Variants in REDIC1 observed in about 807,000 individuals in gnomAD.
REDIC1 encodes regulator of DNA class I crossover intermediates 1.
At chr12:39,654,952 A>G in the REDIC1 span, among the ~76,000 whole-genome samples, 2 of 152,110 alleles carry the variant, frequency 1.3e-5, no homozygotes, top group Admixed American at 6.6e-5. Context: ...TCTTGAGTCA[A>G]TTGTGGTAAT....
chr12:39,757,882 G>T, the REDIC1 span: 2 of 152,136 alleles, frequency 1.3e-5, no homozygotes, highest in African/African-American at 2.4e-5. Context: ...ATAAAGAGAA[G>T]GATTGAGGCA....
chr12:39,769,295 C>T, the REDIC1 span, among the ~76,000 whole-genome samples: 23 of 152,072 alleles, frequency 1.5e-4, no homozygotes, highest in South Asian at 2.1e-4. Flanking sequence ...TCCTATGTGA[C>T]GAACTTACCT....
the REDIC1 span, among the ~76,000 whole-genome samples, chr12:39,663,582 G>A: frequency 6.6e-6 from 1 of 151,924 alleles, no homozygotes; most frequent in Non-Finnish European, 1.5e-5. Flanking sequence ...TTACATTCAA[G>A]GTTACTCTTG....
chr12:39,667,746 G>T, the REDIC1 span, among the ~76,000 whole-genome samples: 1 of 152,144 alleles, frequency 6.6e-6, no homozygotes, highest in East Asian at 1.9e-4. Context: ...GAATCTGGGC[G>T]CTCCTGTATT....
chr12:39,807,983 A>C, the REDIC1 span, among the ~76,000 whole-genome samples: 5 of 152,288 alleles, frequency 3.3e-5, no homozygotes, highest in South Asian at 1.0e-3. Flanking sequence ...TCATCTATTC[A>C]TGTATAATAT....
chr12:39,902,268 C>G, the REDIC1 span, among the ~76,000 whole-genome samples: 2 of 151,248 alleles, frequency 1.3e-5, no homozygotes, highest in South Asian at 2.1e-4. Context: ...TGCAGCACAC[C>G]AGCATGGCAC....
At chr12:39,677,266 A>G in the REDIC1 span, among the ~76,000 whole-genome samples, 6 of 152,246 alleles carry the variant, frequency 3.9e-5, no homozygotes, top group Non-Finnish European at 8.8e-5. Flanking sequence ...CCATGCAAAC[A>G]GAAACCAAAA....
chr12:39,761,484 C>T, the REDIC1 span, among the ~76,000 whole-genome samples: 1 of 151,856 alleles, frequency 6.6e-6, no homozygotes, highest in Admixed American at 6.6e-5. Context: ...AAAGTGATGC[C>T]CAGATTGTTA....
the REDIC1 span, chr12:39,626,266 T>A: frequency 6.3e-7 from 1 of 1,575,850 alleles, no homozygotes; most frequent in Non-Finnish European, 8.7e-7. Context: ...CTGCTGAAGC[T>A]GCGATTTGGC....
the REDIC1 span, among the ~76,000 whole-genome samples, chr12:39,900,056 A>C: frequency 6.6e-6 from 1 of 152,172 alleles, no homozygotes; most frequent in Non-Finnish European, 1.5e-5. Flanking sequence ...CAATAAATGT[A>C]ATCCAGCATA....
At chr12:39,651,661 T>A in the REDIC1 span, among the ~76,000 whole-genome samples, 1 of 152,206 alleles carries the variant, frequency 6.6e-6, no homozygotes, top group African/African-American at 2.4e-5. Context: ...TATGACATCA[T>A]TCTTTCTTGC....
At chr12:39,768,379 T>G in the REDIC1 span, among the ~76,000 whole-genome samples, 1 of 152,106 alleles carries the variant, frequency 6.6e-6, no homozygotes, top group Non-Finnish European at 1.5e-5. Context: ...TTAATATCCT[T>G]TAAGAATTTT....
At chr12:39,716,809 G>A in the REDIC1 span, 6 of 1,601,244 alleles carry the variant, frequency 3.7e-6, no homozygotes, top group South Asian at 1.1e-5. Flanking sequence ...AAGACCAACA[G>A]ACAGCTGTTT....
chr12:39,876,075 A>C, the REDIC1 span, among the ~76,000 whole-genome samples: 1 of 152,226 alleles, frequency 6.6e-6, no homozygotes, highest in African/African-American at 2.4e-5. Flanking sequence ...ACAAACTATC[A>C]TCTTCTTCAA....
chr12:39,783,420 G>A, the REDIC1 span, among the ~76,000 whole-genome samples: 1 of 152,164 alleles, frequency 6.6e-6, no homozygotes, highest in Non-Finnish European at 1.5e-5. Flanking sequence ...GGTATTTCTA[G>A]TTCTGGATCC....
At chr12:39,779,886 C>T in the REDIC1 span, among the ~76,000 whole-genome samples, 1 of 152,234 alleles carries the variant, frequency 6.6e-6, no homozygotes, top group African/African-American at 2.4e-5. Flanking sequence ...TCGTGTTTAT[C>T]TGCAGGTGCC....
At chr12:39,851,413 T>TA in the REDIC1 span, among the ~76,000 whole-genome samples, 1 of 152,194 alleles carries the variant, frequency 6.6e-6, no homozygotes, top group Non-Finnish European at 1.5e-5. Flanking sequence ...TTCTGACTCT[T>TA]AACTGACAAT....
the REDIC1 span, among the ~76,000 whole-genome samples, chr12:39,844,686 G>A: frequency 2.6e-5 from 4 of 152,028 alleles, no homozygotes; most frequent in Non-Finnish European, 5.9e-5. Context: ...AGCTTTCAAT[G>A]CTACTTCAAG....
the REDIC1 span, among the ~76,000 whole-genome samples, chr12:39,662,159 G>T: frequency 6.6e-6 from 1 of 151,892 alleles, no homozygotes. Flanking sequence ...CAAATTTTAG[G>T]ATTGTTTTTC....
Sources: allele counts gnomAD v4.1 joint callset (sites outside exome capture counted in the v4.1 genomes callset), GRCh38; gene constraint gnomAD v4.1.1; transcripts MANE v1.5; gene names NCBI Gene and HGNC (gene_info 2026-07-23, HGNC 2026-07-21).